The following ZFYVE28 variants were observed in gnomAD, a reference collection of about 807,000 sequenced individuals.
The protein encoded by ZFYVE28 is zinc finger FYVE-type containing 28, also known as lateral signaling target protein 2 homolog.
Under a neutral mutation model 82.1 loss-of-function variants are expected in ZFYVE28, and 40 were observed. The ratio of observed to expected loss-of-function variants is 0.49; its 90% confidence interval spans 0.38 to 0.63. ZFYVE28 has a LOEUF of 0.63. Among genes scored for constraint, ZFYVE28 ranks in the 30% least tolerant of loss-of-function variants. The probability of loss-of-function intolerance (pLI) is 0.00; values close to 1 mark genes in which losing one functional copy is unlikely to be tolerated. For missense variants in ZFYVE28, 1,321 were observed against 1,242.1 expected, an observed-to-expected ratio of 1.06 and a Z score of -0.96; for synonymous variants, 612 against 546.1, an observed-to-expected ratio of 1.12 and a Z score of -1.68.
intron 1 of ZFYVE28, among the ~76,000 whole-genome samples, chr4:2,385,296 A>G (rs1302896460): frequency 2.0e-5 from 3 of 152,226 alleles, no homozygotes; most frequent in African/African-American, 7.2e-5. Flanking sequence ...CAAGAACAGC[A>G]GCAGAAAAAG....
intron 8 of ZFYVE28, among the ~76,000 whole-genome samples, chr4:2,288,715 C>T (rs565669035): frequency 3.5e-4 from 53 of 152,340 alleles, no homozygotes; most frequent in Middle Eastern, 3.4e-3. Context: ...CAATGGCTCA[C>T]GCCTTTAATC....
At chr4:2,376,483 G>T (rs1374797894) in intron 1 of ZFYVE28, among the ~76,000 whole-genome samples, 1 of 151,928 alleles carries the variant, frequency 6.6e-6, no homozygotes, top group African/African-American at 2.4e-5. Context: ...AAAGGAAGGG[G>T]GTTTAACTGA....
chr4:2,391,374 ACG>A (rs1729804531), intron 1 of ZFYVE28, among the ~76,000 whole-genome samples: 1 of 149,342 alleles, frequency 6.7e-6, no homozygotes, highest in African/African-American at 2.5e-5. Flanking sequence ...TTGTTCCCAT[ACG>A]TTTACCTCTA....
chr4:2,270,967 G>T (rs1735855771), intron 12 of ZFYVE28, 111 bp from the exon 13 acceptor site: 1 of 1,467,680 alleles, frequency 6.8e-7, no homozygotes, highest in African/African-American at 1.4e-5. Context: ...TGGTGGGTGG[G>T]GACTGCCCAG....
chr4:2,278,021 AT>A (rs1395351133), intron 8 of ZFYVE28, among the ~76,000 whole-genome samples: 1 of 152,170 alleles, frequency 6.6e-6, no homozygotes, highest in African/African-American at 2.4e-5. Flanking sequence ...AGAAACCCAT[AT>A]GCTTATGGGC....
At chr4:2,410,383 C>T (rs1732386137) in intron 1 of ZFYVE28, among the ~76,000 whole-genome samples, 1 of 151,136 alleles carries the variant, frequency 6.6e-6, no homozygotes, top group Non-Finnish European at 1.5e-5. Context: ...CCCTTTGTGA[C>T]TGGCTTCTTT....
Position 2,372,624 on chromosome 4 carries a change from G to A in ZFYVE28, c.40-18551C>T, listed in dbSNP as rs1399369664. Among the ~76,000 whole-genome samples, 2 of 152,158 alleles carry A rather than the reference G, an allele frequency of 1.3e-5. No individual in the cohort carries two copies. Among genetic ancestry groups the A allele is most frequent in the African/African-American group, 2.4e-5 (1 of 41,446 alleles). On this transcript the variant is annotated intron_variant, in intron 1 of 12. Transcript: ENST00000290974. This position sits in a 1 kb window ranked among gnomAD's most constrained non-coding sequence, Gnocchi z 5.2. ...GTTCTGAACAGGGCCTGGATTCTGG[G>A]AAGGGACCTGATGAGGGAGGGCCTG...
chr4:2,351,053 G>A (rs895460585), intron 2 of ZFYVE28, among the ~76,000 whole-genome samples: 12 of 152,284 alleles, frequency 7.9e-5, no homozygotes, highest in South Asian at 4.1e-4. Flanking sequence ...TGGGAGCCCC[G>A]ATTTATAGCC....
In ZFYVE28 at chr4:2,270,643, G is replaced by T. The variant is rs955273789; in HGVS notation, c.*82C>A. On this transcript the variant is annotated 3_prime_UTR_variant, in exon 13 of 13. Coordinates refer to ENST00000290974, the MANE Select transcript of ZFYVE28 (RefSeq NM_020972.3). ...AGCAGCGGCAGCGGCCTCATGAGAC[G>T]CAGTGAGACCTGCCTGCAGCGTGGC... 4 of 1,582,648 alleles carry T rather than the reference G, an allele frequency of 2.5e-6. No individual in the cohort carries two copies. The highest frequency in any genetic ancestry group is 2.6e-6 in the Non-Finnish European group (3 of 1,161,764).
At chr4:2,384,799 C>T (rs558058936) in intron 1 of ZFYVE28, among the ~76,000 whole-genome samples, 2 of 152,298 alleles carry the variant, frequency 1.3e-5, no homozygotes, top group South Asian at 4.1e-4. Flanking sequence ...CAGGAGCCAC[C>T]TCACTCACCT....
chr4:2,353,980 C>T lies in ZFYVE28; in HGVS notation c.133G>A (p.Asp45Asn). Residue 45 changes from aspartate (D) to asparagine (N), a missense_variant, in exon 2 of 13, where the codon GAC becomes AAC. Asp to Asn is a conservative substitution (Grantham distance 23, BLOSUM62 1). Transcript: ENST00000290974. Reference protein sequence around the residue: ...AELDSLDGRKDPQRCTLLVSQ... With the variant: ...AELDSLDGRKNPQRCTLLVSQ... ...ACCAGCAGCGTGCACCGCTGGGGGT[C>T]CTTCCGCCCATCCAGGCTGTCCAGC... 1 of 1,584,542 alleles carries T rather than the reference C, an allele frequency of 6.3e-7. No homozygotes were observed. The highest frequency in any genetic ancestry group is 1.8e-5 in the Admixed American group (1 of 56,634).
intron 8 of ZFYVE28, among the ~76,000 whole-genome samples, chr4:2,279,027 A>G (rs1017632961): frequency 3.3e-5 from 5 of 151,938 alleles, no homozygotes. Flanking sequence ...TTCCTTATGG[A>G]AAAATAAAAT....
chr4:2,329,196 G>C (rs60473075), intron 6 of ZFYVE28: 149,048 of 673,684 alleles, frequency 0.22, 17,668 homozygotes, highest in South Asian at 0.29. Context: ...AGAATCTGTA[G>C]ATCACTTTAT....
intron 6 of ZFYVE28, among the ~76,000 whole-genome samples, chr4:2,327,742 AT>A (rs1720099429): frequency 6.6e-6 from 1 of 152,146 alleles, no homozygotes; most frequent in Non-Finnish European, 1.5e-5. Flanking sequence ...ACAATTATTG[AT>A]TTGTGTATAT....
rs754686050 is a variant in ZFYVE28 at position 2,304,647 on chromosome 4, C to A, written c.1693G>T (p.Val565Leu). The A allele has an allele frequency of 4.3e-6, 7 of 1,612,502 alleles. No homozygotes were observed. Among genetic ancestry groups the A allele is most frequent in the African/African-American group, 1.3e-5 (1 of 74,946 alleles). The change falls in exon 8 of 13, where the codon GTG (valine) becomes TTG (leucine). Residue 565 changes from valine (V) to leucine (L), a missense_variant. Around this residue, in one of 2 missense-constraint regions of ZFYVE28, gnomAD observed 978 missense variants for 833.7 expected, o/e 1.17. Transcript: ENST00000290974. ...GATNCLLHSC[V>L]CCGSCGDSRE... ...CTGTCCCCGCAGCTCCCACAGCACA[C>A]GCAGGAATGCAGAAGGCAGTTGGTG...
chr4:2,346,280 A>G (rs894421689), intron 2 of ZFYVE28, among the ~76,000 whole-genome samples: 1 of 150,776 alleles, frequency 6.6e-6, no homozygotes, highest in African/African-American at 2.4e-5. Flanking sequence ...AGGCAGAGCT[A>G]GCAGTGAGCC....
chr4:2,336,309 A>C lies in ZFYVE28; in HGVS notation c.612-515T>G, dbSNP rs368863707. Among the ~76,000 whole-genome samples the C allele has an allele frequency of 7.9e-5, 12 of 152,182 alleles. No individual in the cohort carries two copies. The East Asian group carries it at 9.6e-4, about 12-fold the overall frequency. ...GCCTGCTGGCATCGTGACTTTTCAA[A>C]ATAAAAGGAATTTCCCGTCATCTTA... On this transcript the variant is annotated intron_variant, in intron 5 of 12. Transcript: ENST00000290974.
At chr4:2,297,631 G>A (rs1714800333) in intron 8 of ZFYVE28, among the ~76,000 whole-genome samples, 1 of 152,270 alleles carries the variant, frequency 6.6e-6, no homozygotes, top group African/African-American at 2.4e-5. Flanking sequence ...GGCAAAGATG[G>A]CCAGGAACAG....
chr4:2,399,419 C>A (rs1175056515), intron 1 of ZFYVE28, among the ~76,000 whole-genome samples: 2 of 151,224 alleles, frequency 1.3e-5, no homozygotes, highest in South Asian at 2.1e-4. Context: ...GTGAGAATGC[C>A]AGCATTCCCC....
Sources: allele counts gnomAD v4.1 joint callset (sites outside exome capture counted in the v4.1 genomes callset), GRCh38; gene constraint gnomAD v4.1.1; regional missense constraint gnomAD v4.1.1; non-coding constraint Gnocchi (gnomAD v3.1); transcripts MANE v1.5; gene names NCBI Gene and HGNC (gene_info 2026-07-23, HGNC 2026-07-21).